The following BICD2 variants were observed in gnomAD, a reference collection of about 807,000 sequenced individuals.
BICD2 encodes the protein BICD cargo adaptor 2, also known as protein bicaudal D homolog 2.
In BICD2, 25 loss-of-function variants were observed where a neutral mutation model predicts 72.9. That is an observed-to-expected ratio of 0.34 (90% CI 0.25 to 0.48). BICD2 has a LOEUF of 0.48. BICD2 is among the 20% of genes least tolerant of loss of function. The pLI, the probability that BICD2 is intolerant of heterozygous loss-of-function variation, is 0.99. For synonymous variants in BICD2, 501 were observed against 516.1 expected (o/e 0.97, Z 0.40); for missense variants, 894 against 1,175.2 (o/e 0.76, Z 3.50).
intron 1 of BICD2, among the ~76,000 whole-genome samples, chr9:92,762,202 C>A (rs72758526): frequency 0.033 from 4,972 of 150,958 alleles, 110 homozygotes; most frequent in South Asian, 0.1. Context: ...AGAAAAAAAA[C>A]CCCACAATTA....
intron 1 of BICD2, among the ~76,000 whole-genome samples, chr9:92,734,513 C>CA (rs34489248): frequency 0.35 from 37,612 of 106,656 alleles, 7,539 homozygotes; most frequent in African/African-American, 0.54. Flanking sequence ...GACCCTGTCT[C>CA]AAAAAAAAAA....
chr9:92,720,267 G>C lies in BICD2; in HGVS notation c.1062+33C>G. ...GGGAGCCCTGCAGACCTGGAGTGGG[G>C]ACAGCGTGCCGAAGGCCCCACTGCC... On this transcript the variant is annotated intron_variant, in intron 4 of 6. Transcript: ENST00000356884. The surrounding 1 kb of genome is among the most constrained non-coding windows in gnomAD (Gnocchi z 5.4). The C allele has an allele frequency of 6.3e-7, 1 of 1,577,326 alleles. No homozygotes were observed. The highest frequency in any genetic ancestry group is 8.6e-7 in the Non-Finnish European group (1 of 1,161,620).
At chr9:92,723,951 G>A (rs1419612874) in intron 2 of BICD2, among the ~76,000 whole-genome samples, 1 of 152,164 alleles carries the variant, frequency 6.6e-6, no homozygotes, top group African/African-American at 2.4e-5. Flanking sequence ...CCTGACCTCT[G>A]GCCACCAGAC....
In BICD2 at chr9:92,714,173, C is replaced by G; in HGVS notation, c.*981G>C. 1.0e-6 allele frequency: 1 copy of G among 985,552 alleles called. No individual in the cohort carries two copies. Among genetic ancestry groups the G allele is most frequent in the Non-Finnish European group, 1.2e-6 (1 of 830,016 alleles). 61.1% of individuals were successfully genotyped at this position (985,552 alleles called of 1,614,324 possible). A position where few individuals can be genotyped will look rare whatever the true frequency, so the allele number is the denominator to read the frequency against. Reference sequence around the variant, plus strand: ...TGGCCCTGGCCCTATGCAAAGCTTTCCCAGCACCGGGCTGGGCTCTGGATA... The same window carrying G: ...TGGCCCTGGCCCTATGCAAAGCTTTGCCAGCACCGGGCTGGGCTCTGGATA... On this transcript the variant is annotated 3_prime_UTR_variant, in exon 7 of 7. Coordinates refer to ENST00000356884, the MANE Select transcript of BICD2 (RefSeq NM_001003800.2).
chr9:92,713,867 A>G lies in BICD2; in HGVS notation c.*1287T>C, dbSNP rs1853245420. On this transcript the variant is annotated 3_prime_UTR_variant, in exon 7 of 7. Coordinates refer to ENST00000356884, the MANE Select transcript of BICD2 (RefSeq NM_001003800.2). Reference sequence around the variant, plus strand: ...GCAGAGAGCTGTGGGAGGGGGCAACACGGTCTCTCACCAGGTAACTCGAAT... The same window carrying G: ...GCAGAGAGCTGTGGGAGGGGGCAACGCGGTCTCTCACCAGGTAACTCGAAT... 1 of 1,025,122 alleles carries G rather than the reference A, an allele frequency of 9.8e-7. No individual in the cohort carries two copies. Among genetic ancestry groups the G allele is most frequent in the Non-Finnish European group, 1.2e-6 (1 of 853,360 alleles). The allele number at this position is 1,025,122 out of a possible 1,614,324, so 63.5% of individuals were successfully genotyped here.
Position 92,714,446 on chromosome 9 carries a change from C to T in BICD2, c.*708G>A. The T allele has an allele frequency of 2.0e-6, 2 of 985,500 alleles. No homozygotes were observed. The highest frequency in any genetic ancestry group is 2.4e-6 in the Non-Finnish European group (2 of 829,954). 61.0% of individuals were successfully genotyped at this position (985,500 alleles called of 1,614,324 possible). A position where few individuals can be genotyped will look rare whatever the true frequency, so the allele number is the denominator to read the frequency against. On this transcript the variant is annotated 3_prime_UTR_variant, in exon 7 of 7. Transcript: ENST00000356884. Reference sequence around the variant, plus strand: ...CCCTGCCAATCTGTCACCTCACAGGCCACTATACAAGCATCCTGATCTCAG... The same window carrying T: ...CCCTGCCAATCTGTCACCTCACAGGTCACTATACAAGCATCCTGATCTCAG...
At chr9:92,742,278 C>T (rs1853911437) in intron 1 of BICD2, among the ~76,000 whole-genome samples, 1 of 152,142 alleles carries the variant, frequency 6.6e-6, no homozygotes, top group Non-Finnish European at 1.5e-5. Context: ...GTTAAAAAGA[C>T]ATAATCCACG....
intron 1 of BICD2, among the ~76,000 whole-genome samples, chr9:92,747,809 G>C (rs1315084607): frequency 6.6e-6 from 1 of 152,136 alleles, no homozygotes; most frequent in Non-Finnish European, 1.5e-5. Context: ...GGAACGGAGT[G>C]AGGAGCCCAA....
In BICD2 at chr9:92,729,154, G is replaced by A; in HGVS notation, c.323C>T (p.Ala108Val). 1 of 1,614,230 alleles carries A rather than the reference G, an allele frequency of 6.2e-7. No individual in the cohort carries two copies. Among genetic ancestry groups the A allele is most frequent in the African/African-American group, 1.3e-5 (1 of 75,060 alleles). ...CCGCACGTAGTACTGCTCCTTGGAG[G>A]CCGACTCCTGGATCAGGCTCTCCTC... is the stretch of plus-strand genomic sequence containing the variant. ...SREESLIQES[A>V]SKEQYYVRKV... is the part of the protein sequence containing the mutation. Residue 108 changes from alanine (A) to valine (V), a missense_variant, in exon 2 of 7, where the codon GCC becomes GTC. This residue lies in a region of BICD2 where 192 missense variants were observed against 243.6 expected (regional missense o/e 0.79). Transcript: ENST00000356884.
intron 1 of BICD2, among the ~76,000 whole-genome samples, chr9:92,762,132 G>A (rs1471197032): frequency 2.0e-5 from 3 of 152,118 alleles, no homozygotes; most frequent in Non-Finnish European, 4.4e-5. Flanking sequence ...GTAACTAAAT[G>A]CACTTTAGTT....
At chr9:92,748,146 G>A (rs182294303) in intron 1 of BICD2, among the ~76,000 whole-genome samples, 101 of 152,230 alleles carry the variant, frequency 6.6e-4, no homozygotes, top group African/African-American at 2.4e-3. Context: ...CCAGTGGAGG[G>A]GACACACCCC....
chr9:92,719,207 C>T lies in BICD2; in HGVS notation c.1438G>A (p.Ala480Thr), dbSNP rs140188204. ...EKGRYEAEGQ[A>T]LTEKVSLLEK... ...AGCAGGGAGACCTTCTCCGTGAGTGCCTGGCCCTCAGCCTCATAGCGGCCC... is the reference window on the plus strand; with the variant it reads ...AGCAGGGAGACCTTCTCCGTGAGTGTCTGGCCCTCAGCCTCATAGCGGCCC... The change falls in exon 5 of 7, where the codon GCA becomes ACA. Residue 480 changes from alanine (A) to threonine (T), a missense_variant. Physicochemically the swap from Ala to Thr is moderately conservative, Grantham distance 58. Around this residue, in one of 5 missense-constraint regions of BICD2, gnomAD observed 371 missense variants for 439.1 expected, o/e 0.84. Transcript: ENST00000356884. The T allele has an allele frequency of 1.8e-4, 295 of 1,610,924 alleles. No homozygotes were observed. Among genetic ancestry groups the T allele is most frequent in the Non-Finnish European group, 2.5e-4 (291 of 1,179,980 alleles).
chr9:92,725,048 T>C (rs1853538479), intron 2 of BICD2, among the ~76,000 whole-genome samples: 1 of 152,082 alleles, frequency 6.6e-6, no homozygotes, highest in African/African-American at 2.4e-5. Flanking sequence ...CTCCAGGCAG[T>C]GGGAAGTGAG....
chr9:92,722,537 G>T, intron 3 of BICD2, 119 bp downstream of exon 3: 3 of 1,364,992 alleles, frequency 2.2e-6, no homozygotes, highest in Non-Finnish European at 3.0e-6. Context: ...CTGGCCCTGG[G>T]CCTCGGGTGT....
chr9:92,734,573 C>G (rs979215515), intron 1 of BICD2, among the ~76,000 whole-genome samples: 1 of 145,368 alleles, frequency 6.9e-6, no homozygotes, highest in Non-Finnish European at 1.5e-5. Context: ...CAACCCAGGA[C>G]AGCTGGAGTT....
Position 92,715,395 on chromosome 9 carries a change from T to G in BICD2, c.2327A>C (p.Lys776Thr), listed in dbSNP as rs2131496327. 1.9e-6 allele frequency: 3 copies of G among 1,610,002 alleles called. No homozygotes were observed. Among genetic ancestry groups the G allele is most frequent in the Non-Finnish European group, 2.5e-6 (3 of 1,177,218 alleles). Residue 776 changes from lysine to threonine, a missense_variant, in exon 7 of 7, where the codon AAG (lysine) becomes ACG (threonine). Transcript: ENST00000356884. ...CATGCGCAGCAGCGAGTTCAGCGTC[T>G]TCTTCTCGTCCTCAGCAGCCGCCAG... is the stretch of plus-strand genomic sequence containing the variant. Reference protein sequence around the residue: ...RQLAAAEDEKKTLNSLLRMAI... With the variant: ...RQLAAAEDEKTTLNSLLRMAI...
chr9:92,719,962 T>C (rs1165795299), intron 4 of BICD2, among the ~76,000 whole-genome samples: 1 of 152,166 alleles, frequency 6.6e-6, no homozygotes, highest in African/African-American at 2.4e-5. Context: ...TCAACAGGGA[T>C]CCATGTCCCA....
At chr9:92,722,623 G>C in intron 3 of BICD2, 33 bp downstream of exon 3, 1 of 1,612,976 alleles carries the variant, frequency 6.2e-7, no homozygotes, top group Non-Finnish European at 8.5e-7. Flanking sequence ...GTTAACCCAC[G>C]TGCCACCTCC....
intron 1 of BICD2, among the ~76,000 whole-genome samples, chr9:92,760,052 C>A (rs778039264): frequency 3.9e-5 from 6 of 152,198 alleles, no homozygotes; most frequent in Admixed American, 6.5e-5. Context: ...TCATCATTAA[C>A]CTATCACGGC....
Sources: allele counts gnomAD v4.1 joint callset (sites outside exome capture counted in the v4.1 genomes callset), GRCh38; gene constraint gnomAD v4.1.1; regional missense constraint gnomAD v4.1.1; non-coding constraint Gnocchi (gnomAD v3.1); transcripts MANE v1.5; gene names NCBI Gene and HGNC (gene_info 2026-07-23, HGNC 2026-07-21).